Variants in CFAP20DC observed in about 807,000 individuals in gnomAD.
CFAP20DC encodes protein CFAP20DC.
Under a neutral mutation model 101.7 loss-of-function variants are expected in CFAP20DC, and 84 were observed. The ratio of observed to expected loss-of-function variants is 0.83; its 90% CI spans 0.69 to 0.99. CFAP20DC has a LOEUF of 0.99. CFAP20DC is among the 50% of genes least tolerant of loss of function. CFAP20DC has a pLI of 0.00. For synonymous variants in CFAP20DC, 359 were observed against 351.2 expected (o/e 1.02, Z -0.25); for missense variants, 1,007 against 970.3 (o/e 1.04, Z -0.50).
chr3:59,004,848 G>A (rs368443585), intron 4 of CFAP20DC, among the ~76,000 whole-genome samples: 1 of 152,250 alleles, frequency 6.6e-6, no homozygotes, highest in East Asian at 1.9e-4. Flanking sequence ...CCACATTAGT[G>A]GATACCAACC....
intron 5 of CFAP20DC, among the ~76,000 whole-genome samples, chr3:58,916,255 G>A (rs1233063715): frequency 2.6e-5 from 4 of 152,068 alleles, no homozygotes; most frequent in Non-Finnish European, 5.9e-5. Flanking sequence ...AGCATGGCAT[G>A]GACATGACAT....
rs143560014 is a variant in CFAP20DC, at chr3:59,035,643, C to G, written c.278+3914G>C. Among the ~76,000 whole-genome samples the G allele has an allele frequency of 1.1e-4, 17 of 152,186 alleles. No individual in the cohort carries two copies. In the East Asian group the frequency reaches 3.3e-3, roughly 29 times the overall value. ...CACATATAACCTCCCAAGACTAAAC[C>G]AGGAAGAAGTTGAATCCCTGAGTAG... On this transcript the variant is annotated intron_variant, in intron 4 of 16. Transcript: ENST00000482387.
intron 4 of CFAP20DC, among the ~76,000 whole-genome samples, chr3:59,031,451 A>G (rs1239494114): frequency 6.6e-6 from 1 of 152,170 alleles, no homozygotes; most frequent in East Asian, 1.9e-4. Context: ...ACTGAAAATA[A>G]AGTTTTGTGT....
At chr3:58,865,537 A>G (rs1157911473) in intron 11 of CFAP20DC, among the ~76,000 whole-genome samples, 1 of 152,132 alleles carries the variant, frequency 6.6e-6, no homozygotes, top group Non-Finnish European at 1.5e-5. Flanking sequence ...GTGCAGGGGC[A>G]TATGGTCCTG....
At chr3:58,969,375 C>T (rs909118174) in intron 4 of CFAP20DC, among the ~76,000 whole-genome samples, 4 of 152,138 alleles carry the variant, frequency 2.6e-5, no homozygotes, top group African/African-American at 7.2e-5. Flanking sequence ...TGAGAATCCT[C>T]ATCATTGCTG....
At chr3:58,898,760 G>A (rs1038015972) in intron 6 of CFAP20DC, among the ~76,000 whole-genome samples, 1 of 152,098 alleles carries the variant, frequency 6.6e-6, no homozygotes, top group Non-Finnish European at 1.5e-5. Flanking sequence ...AAGCAACTAG[G>A]CACTCTGGCT....
rs1345712523 is a variant in CFAP20DC at position 59,007,751 on chromosome 3, C to T, written c.278+31806G>A. ...CTGGTAGCCCTGCTGGGTGGCTAGA[C>T]CCAGAAGGGCAGTAACAATCACTGA... On this transcript the variant is annotated intron_variant, in intron 4 of 16. Coordinates refer to ENST00000482387, the MANE Select transcript of CFAP20DC (RefSeq NM_001394063.1). This position sits in a 1 kb window ranked among gnomAD's most constrained non-coding sequence, Gnocchi z 4.4. Among the ~76,000 whole-genome samples the T allele has an allele frequency of 6.6e-6, 1 of 152,098 alleles. No homozygotes were observed.
chr3:58,906,231 C>A (rs777290259), intron 6 of CFAP20DC, among the ~76,000 whole-genome samples: 4 of 152,154 alleles, frequency 2.6e-5, no homozygotes, highest in East Asian at 1.9e-4. Context: ...TCCCCACTAC[C>A]GTCATTATTA....
intron 14 of CFAP20DC, among the ~76,000 whole-genome samples, chr3:58,818,955 T>C (rs2075404587): frequency 6.7e-6 from 1 of 149,422 alleles, no homozygotes; most frequent in East Asian, 2.0e-4. Flanking sequence ...CAGACCACAG[T>C]GCAATCAAAC....
intron 15 of CFAP20DC, among the ~76,000 whole-genome samples, chr3:58,805,171 A>C (rs1226995748): frequency 6.6e-6 from 1 of 152,200 alleles, no homozygotes; most frequent in Non-Finnish European, 1.5e-5. Flanking sequence ...GGAAGTTCAG[A>C]CGTAGTCTGT....
chr3:59,016,876 C>G (rs1164999626), intron 4 of CFAP20DC, among the ~76,000 whole-genome samples: 2 of 151,974 alleles, frequency 1.3e-5, no homozygotes, highest in African/African-American at 2.4e-5. Context: ...TGCTTATAAT[C>G]CAATTCTTAA....
rs1369487850 is a variant in CFAP20DC at position 58,913,806 on chromosome 3, A to T, written c.452T>A (p.Val151Asp). Reference protein sequence around the residue: ...AFTSEIFKGAVFQSLDGIVVS... With the variant: ...AFTSEIFKGADFQSLDGIVVS... ...AACAATTCCATCCAATGACTGGAAA[A>T]CTGCCCCCTTGAATATTTCACTGGT... The change falls in exon 6 of 17, where the codon GTT becomes GAT. Residue 151 changes from valine (V) to aspartate (D), a missense_variant. Coordinates refer to ENST00000482387, the MANE Select transcript of CFAP20DC (RefSeq NM_001394063.1). The surrounding 1 kb of genome is among the most constrained non-coding windows in gnomAD (Gnocchi z 4.4). The T allele has an allele frequency of 6.2e-7, 1 of 1,613,720 alleles. No homozygotes were observed.
chr3:59,039,578 T>C lies in CFAP20DC; in HGVS notation c.257A>G (p.Gln86Arg). The change falls in exon 4 of 17, where the codon CAA becomes CGA. Residue 86 changes from glutamine (Q) to arginine (R), a missense_variant. Coordinates refer to ENST00000482387, the MANE Select transcript of CFAP20DC (RefSeq NM_001394063.1). Reference sequence around the variant, plus strand: ...TTACAGCAATTCAGTGGAGAAGTCTTGTCCCAGGGGTACGTAAATCTGAAG... The same window carrying C: ...TTACAGCAATTCAGTGGAGAAGTCTCGTCCCAGGGGTACGTAAATCTGAAG... The part of the protein sequence containing the change: ...LVLQIYVPLG[Q>R]DFSTELLITD... 3.3e-6 allele frequency: 5 copies of C among 1,527,094 alleles called. No homozygotes were observed. Among genetic ancestry groups the C allele is most frequent in the Non-Finnish European group, 4.4e-6 (5 of 1,141,232 alleles). The allele number at this position is 1,527,094 out of a possible 1,614,324, so 94.6% of individuals were successfully genotyped here. A position where few individuals can be genotyped will look rare whatever the true frequency, so the allele number is the denominator to read the frequency against.
At chr3:58,802,594 T>G in intron 15 of CFAP20DC, among the ~76,000 whole-genome samples, 1 of 152,208 alleles carries the variant, frequency 6.6e-6, no homozygotes, top group East Asian at 1.9e-4. Flanking sequence ...GTTGCAAATC[T>G]AGACACGCAA....
rs559523971 is a variant in CFAP20DC, at chr3:58,833,687, G to GA, written c.1972-1799dup. On this transcript the variant is annotated intron_variant, in intron 13 of 16. Transcript: ENST00000482387. ...CAGTTCCTCAAAATGTTAAACATCT[G>GA]AGTTACCATGTGACCCAGCAATTCA... Among the ~76,000 whole-genome samples, 28 of 152,260 alleles carry GA rather than the reference G, an allele frequency of 1.8e-4. No homozygotes were observed. In the East Asian group the frequency reaches 5.0e-3, roughly 27 times the overall value.
chr3:59,018,125 AG>A (rs1381748267), intron 4 of CFAP20DC: 1 of 152,156 alleles, frequency 6.6e-6, no homozygotes, highest in East Asian at 1.9e-4. Flanking sequence ...TGCACTGGCC[AG>A]GGGAGATACC....
At chr3:58,818,893 A>G (rs2075401589) in intron 14 of CFAP20DC, among the ~76,000 whole-genome samples, 1 of 143,212 alleles carries the variant, frequency 7.0e-6, no homozygotes. Flanking sequence ...ACTGGGAAGT[A>G]AAGCTCTCCT....
rs190053974 is a variant in CFAP20DC at position 58,999,923 on chromosome 3, T to C, written c.278+39634A>G. 4.7e-5 allele frequency among the ~76,000 whole-genome samples: 7 copies of C among 150,434 alleles called. No individual in the cohort carries two copies. The East Asian group carries it at 1.4e-3, about 29-fold the overall frequency. Reference sequence around the variant, plus strand: ...GAGAGAGGGTTCTTATGCTTGCTTATGCTTGTATGCCTCATAATTAAACAG... The same window carrying C: ...GAGAGAGGGTTCTTATGCTTGCTTACGCTTGTATGCCTCATAATTAAACAG... On this transcript the variant is annotated intron_variant, in intron 4 of 16. Coordinates refer to ENST00000482387, the MANE Select transcript of CFAP20DC (RefSeq NM_001394063.1).
chr3:59,010,231 T>G (rs2093550940), intron 4 of CFAP20DC, among the ~76,000 whole-genome samples: 1 of 152,054 alleles, frequency 6.6e-6, no homozygotes, highest in Non-Finnish European at 1.5e-5. Context: ...GAATGTAACT[T>G]GCCTAAATGC....
Sources: allele counts gnomAD v4.1 joint callset (sites outside exome capture counted in the v4.1 genomes callset), GRCh38; gene constraint gnomAD v4.1.1; non-coding constraint Gnocchi (gnomAD v3.1); transcripts MANE v1.5; gene names NCBI Gene and HGNC (gene_info 2026-07-23, HGNC 2026-07-21).